Variants in BNIP2 observed in about 807,000 individuals in gnomAD.
The protein encoded by BNIP2 is BCL2 interacting protein 2.
BNIP2 carries 36 observed loss-of-function variants against 43.4 expected under a neutral mutation model. The observed-to-expected ratio is 0.83, with a 90% CI of 0.64 to 1.10. BNIP2 has a LOEUF of 1.10. BNIP2 is among the 50% of genes least tolerant of loss of function. The pLI is 0.00. For synonymous variants in BNIP2, 146 were observed against 121.0 expected (o/e 1.21, Z -1.35); for missense variants, 417 against 374.1 (o/e 1.11, Z -0.95).
chr15:59,665,418 T>G (rs1892513930), intron 9 of BNIP2: 1 of 153,994 alleles, frequency 6.5e-6, no homozygotes, highest in Non-Finnish European at 1.4e-5. Context: ...GAGACCAGCC[T>G]GGGCAACATG....
chr15:59,676,826 C>A, intron 5 of BNIP2: 1 of 1,547,842 alleles, frequency 6.5e-7, no homozygotes, highest in East Asian at 2.4e-5. Flanking sequence ...CTACTACTTC[C>A]CTTCCTGCCG....
At position 59,677,992 on chromosome 15, in the gene BNIP2, G is replaced by A. The variant is rs1466696076; in HGVS notation, c.391C>T (p.Arg131Cys). 4 of 1,613,694 alleles carry A rather than the reference G, an allele frequency of 2.5e-6. No individual in the cohort carries two copies. The highest frequency in any genetic ancestry group is 2.2e-5 in the East Asian group (1 of 44,892). ...AEEKEDGRRWRMFRIGEQDHR... is the reference protein window; with the variant it reads ...AEEKEDGRRWCMFRIGEQDHR... ...TCCTGTTCTCCAATCCTGAACATAC[G>A]CCAGCGTCGTCCATCTTCTTTTTCC... The change falls in exon 5 of 10, where the codon CGT becomes TGT. Residue 131 changes from arginine (R) to cysteine (C), a missense_variant. Physicochemically the swap from Arg to Cys is radical, Grantham distance 180 (BLOSUM62 -3). Coordinates refer to ENST00000607373, the MANE Select transcript of BNIP2 (RefSeq NM_004330.4).
intron 2 of BNIP2, 35 bp downstream of exon 2, chr15:59,682,373 C>T (rs1893740243): frequency 1.3e-6 from 2 of 1,546,162 alleles, no homozygotes; most frequent in Non-Finnish European, 8.8e-7. Context: ...TGAACTTTTG[C>T]TCTAAAATTG....
chr15:59,677,426 G>A, intron 5 of BNIP2: 1 of 1,468,782 alleles, frequency 6.8e-7, no homozygotes. Context: ...ACAGTCCTAG[G>A]AACCATTATG....
intron 9 of BNIP2, among the ~76,000 whole-genome samples, chr15:59,668,537 A>C (rs1030655569): frequency 6.6e-6 from 1 of 152,250 alleles, no homozygotes; most frequent in Non-Finnish European, 1.5e-5. Flanking sequence ...ATTGATGATC[A>C]GTTTACTCAA....
chr15:59,684,998 A>G (rs1893922299), intron 1 of BNIP2, among the ~76,000 whole-genome samples: 1 of 152,232 alleles, frequency 6.6e-6, no homozygotes, highest in Non-Finnish European at 1.5e-5. Context: ...TATTTTGCTT[A>G]TTAAACTACA....
chr15:59,674,090 C>CAAAAAAAAA lies in BNIP2; in HGVS notation c.473-1360_473-1352dup, dbSNP rs754263928. On this transcript the variant is annotated intron_variant, in intron 5 of 9. Transcript: ENST00000607373. ...GGGCAACAGAGCAAGACTTGGGTCT[C>CAAAAAAAAA]AAAAAAAAAACAAAAACAAAAACAA... Among the ~76,000 whole-genome samples the CAAAAAAAAA allele has an allele frequency of 1.2e-4, 11 of 91,436 alleles. 2 individuals are homozygous for CAAAAAAAAA. Among genetic ancestry groups the CAAAAAAAAA allele is most frequent in the South Asian group, 6.8e-4 (2 of 2,944 alleles). The allele number at this position is 91,436 out of a possible 152,430, so 60.0% of individuals were successfully genotyped here.
Position 59,676,055 on chromosome 15 carries a change from T to A in BNIP2, c.472+1856A>T, listed in dbSNP as rs544773282. 3.3e-5 allele frequency among the ~76,000 whole-genome samples: 5 copies of A among 152,346 alleles called. No homozygotes were observed. The South Asian group carries it at 1.0e-3, about 32-fold the overall frequency. ...ATATATATGGGTATATATGGTTATA[T>A]AGGCATTTGTCAAAACTCATTGAAC... is the stretch of plus-strand genomic sequence containing the variant. On this transcript the variant is annotated intron_variant, in intron 5 of 9. Transcript: ENST00000607373.
chr15:59,678,755 T>TG, intron 4 of BNIP2: 1 of 1,291,742 alleles, frequency 7.7e-7, no homozygotes, highest in South Asian at 1.3e-5. Flanking sequence ...TACCAAAAGA[T>TG]GGGGGGAGGG....
intron 1 of BNIP2, among the ~76,000 whole-genome samples, chr15:59,687,956 A>G (rs1894125609): frequency 6.6e-6 from 1 of 152,170 alleles, no homozygotes; most frequent in Non-Finnish European, 1.5e-5. Context: ...GTGCACTGGC[A>G]ATTTTATACA....
chr15:59,664,895 T>C (rs1892475606), intron 9 of BNIP2, among the ~76,000 whole-genome samples: 1 of 152,220 alleles, frequency 6.6e-6, no homozygotes, highest in Non-Finnish European at 1.5e-5. Flanking sequence ...ATAGAACCCA[T>C]AATTATTCTC....
At chr15:59,683,935 A>G (rs544113049) in intron 1 of BNIP2, among the ~76,000 whole-genome samples, 4 of 152,240 alleles carry the variant, frequency 2.6e-5, no homozygotes, top group Admixed American at 6.5e-5. Context: ...ATTAAATAAA[A>G]TCAATTATGT....
intron 9 of BNIP2, among the ~76,000 whole-genome samples, chr15:59,666,648 CAA>C (rs1479889491): frequency 6.6e-6 from 1 of 152,072 alleles, no homozygotes; most frequent in Non-Finnish European, 1.5e-5. Flanking sequence ...GCCTGGGTGA[CAA>C]GAGTGAAACT....
intron 5 of BNIP2, among the ~76,000 whole-genome samples, chr15:59,675,508 AC>A (rs2142003640): frequency 6.7e-6 from 1 of 150,238 alleles, no homozygotes; most frequent in Non-Finnish European, 1.5e-5. Flanking sequence ...TACTCGGGAG[AC>A]TGAGGCAGGA....
At chr15:59,680,353 A>T (rs1291288446) in intron 2 of BNIP2, 45 bp from the exon 3 acceptor site, 4 of 1,458,340 alleles carry the variant, frequency 2.7e-6, no homozygotes, top group African/African-American at 1.4e-5. Context: ...TTAAGAAAGA[A>T]TTTTTTTTTG....
chr15:59,688,582 TA>T (rs1566988895), intron 1 of BNIP2: 17 of 938,782 alleles, frequency 1.8e-5, no homozygotes, highest in Non-Finnish European at 1.6e-5. Context: ...GCCAGGTATT[TA>T]AACAGAAAGG....
In BNIP2 at chr15:59,663,257, A is replaced by G. The variant is rs1468145686; in HGVS notation, c.*812T>C. 3 of 152,460 alleles carry G rather than the reference A, an allele frequency of 2.0e-5. No homozygotes were observed. The highest frequency in any genetic ancestry group is 4.4e-5 in the Non-Finnish European group (3 of 68,042). The allele number at this position is 152,460 out of a possible 1,614,324, so 9.4% of individuals were successfully genotyped here. On this transcript the variant is annotated 3_prime_UTR_variant, in exon 10 of 10. Transcript: ENST00000607373. Reference sequence around the variant, plus strand: ...CATAGCTTATTTCACATTAGTGAACAAACTCAAGATTTTTATAAAGTTCTG... The same window carrying G: ...CATAGCTTATTTCACATTAGTGAACGAACTCAAGATTTTTATAAAGTTCTG...
intron 9 of BNIP2, among the ~76,000 whole-genome samples, chr15:59,667,508 G>A (rs1301583412): frequency 1.3e-5 from 2 of 152,160 alleles, no homozygotes; most frequent in African/African-American, 4.8e-5. Flanking sequence ...CAAAGCAGAA[G>A]TGTTCAAAAT....
At chr15:59,666,397 T>C (rs1009681256) in intron 9 of BNIP2, among the ~76,000 whole-genome samples, 5 of 152,210 alleles carry the variant, frequency 3.3e-5, no homozygotes, top group Non-Finnish European at 5.9e-5. Flanking sequence ...CTGGGCGTGG[T>C]AGCTGACGCC....
Sources: gnomAD v4.1 joint callset for allele counts (sites outside exome capture counted in the v4.1 genomes callset) on GRCh38, gnomAD v4.1.1 for gene constraint, MANE v1.5 for transcripts, NCBI Gene and HGNC (gene_info 2026-07-23, HGNC 2026-07-21) for gene names.